Variants in BRI3 observed in about 807,000 individuals in gnomAD.
BRI3 encodes the protein membrane protein BRI3.
A neutral mutation model predicts 12.8 loss-of-function variants in BRI3; 6 were observed. The ratio of observed to expected loss-of-function variants is 0.47; its 90% CI spans 0.26 to 0.93. The LOEUF is 0.93. Ranked by LOEUF, BRI3 falls within the 40% of genes least tolerant of loss-of-function variation. The probability of loss-of-function intolerance (pLI) is 0.15; values close to 1 mark genes in which losing one functional copy is unlikely to be tolerated. For synonymous variants in BRI3, 91 were observed against 76.1 expected (o/e 1.20, Z -1.02); for missense variants, 134 against 171.1 (o/e 0.78, Z 1.21).
chr7:98,319,737 G>C, the BRI3 span, among the ~76,000 whole-genome samples: 1 of 152,060 alleles, frequency 6.6e-6, no homozygotes, highest in African/African-American at 2.4e-5. Flanking sequence ...TTTGAGTAGA[G>C]ATGGGGTTTC....
chr7:98,305,555 G>A (rs1397029003), upstream of BRI3, among the ~76,000 whole-genome samples: 1 of 152,146 alleles, frequency 6.6e-6, no homozygotes, highest in Non-Finnish European at 1.5e-5. Flanking sequence ...GAGTAGATGG[G>A]ACAATGGGCA....
chr7:98,317,499 C>CCCCACA, the BRI3 span: 1 of 1,011,566 alleles, frequency 9.9e-7, no homozygotes, highest in Non-Finnish European at 1.5e-6. Context: ...TGGCTGGGGC[C>CCCCACA]CCCACACCCA....
At position 98,307,882 on chromosome 7, in the gene BRI3, G is replaced by A. The variant is rs370330772; in HGVS notation, n.512G>A. ...ACCGAAACTGATCGCTGTAAACTGG[G>A]ATCTTCGGAAGTACCTGTTGGAGGG... On this transcript the variant is annotated non_coding_transcript_exon_variant, in exon 2 of 2. Transcript: ENST00000485422. 14 of 1,614,088 alleles carry A rather than the reference G, an allele frequency of 8.7e-6. No homozygotes were observed. The African/African-American group carries it at 1.9e-4, about 22-fold the overall frequency.
the BRI3 span, among the ~76,000 whole-genome samples, chr7:98,319,374 C>A: frequency 6.6e-6 from 1 of 152,152 alleles, no homozygotes; most frequent in Non-Finnish European, 1.5e-5. Context: ...CCGGGAGCCC[C>A]GGACGGTGCT....
chr7:98,300,791 T>C (rs916875183), intron 1 of BRI3, among the ~76,000 whole-genome samples: 8 of 152,016 alleles, frequency 5.3e-5, no homozygotes, highest in African/African-American at 1.9e-4. Flanking sequence ...CAGGCAGCAG[T>C]GTGGAGGCTC....
upstream of BRI3, among the ~76,000 whole-genome samples, chr7:98,305,010 C>T (rs941913535): frequency 5.4e-5 from 8 of 149,302 alleles, no homozygotes; most frequent in East Asian, 7.9e-4. Flanking sequence ...GGATTACAGG[C>T]GCCTGCCACC....
At chr7:98,303,437 G>A (rs1800508092), upstream of BRI3, among the ~76,000 whole-genome samples, 1 of 152,190 alleles carries the variant, frequency 6.6e-6, no homozygotes, top group Non-Finnish European at 1.5e-5. Flanking sequence ...CCCAGCCCGG[G>A]AGTGATGTCC....
chr7:98,293,997 A>G (rs374663231), downstream of BRI3: 2,944 of 1,506,688 alleles, frequency 2.0e-3, 7 homozygotes, highest in Non-Finnish European at 2.3e-3. Flanking sequence ...TGGGCTGGGC[A>G]CCGAAGGCCC....
downstream of BRI3, chr7:98,293,447 C>A: frequency 7.2e-7 from 1 of 1,383,884 alleles, no homozygotes; most frequent in Non-Finnish European, 1.0e-6. Context: ...ACCGTCAGCA[C>A]GTGGCAGACA....
At chr7:98,290,181 GTTTTTTTTT>G (rs1180326213) in intron 2 of BRI3, among the ~76,000 whole-genome samples, 22 of 102,566 alleles carry the variant, frequency 2.1e-4, no homozygotes, top group South Asian at 8.1e-4. Context: ...TCTCAAGGTT[GTTTTTTTTT>G]TTTTTTTTTT....
chr7:98,313,987 T>TC (rs1800981221), downstream of BRI3, among the ~76,000 whole-genome samples: 1 of 142,946 alleles, frequency 7.0e-6, no homozygotes, highest in Non-Finnish European at 1.5e-5. Flanking sequence ...TCTTCCTTTT[T>TC]TTTTTTTTTT....
chr7:98,307,409 G>A, intron 1 of BRI3: 1 of 1,263,992 alleles, frequency 7.9e-7, no homozygotes, highest in Non-Finnish European at 1.0e-6. Context: ...CTGGCCAAAT[G>A]CTAAATTTTT....
At chr7:98,285,909 C>G (rs2116712386) in intron 2 of BRI3, among the ~76,000 whole-genome samples, 1 of 152,246 alleles carries the variant, frequency 6.6e-6, no homozygotes, top group Non-Finnish European at 1.5e-5. Context: ...TGAGGAAGCC[C>G]TGCGTCTCCC....
chr7:98,287,246 C>T (rs551253339), intron 2 of BRI3, among the ~76,000 whole-genome samples: 16 of 152,260 alleles, frequency 1.1e-4, no homozygotes, highest in African/African-American at 2.4e-4. Flanking sequence ...TCTCTTTAAG[C>T]GGTGTGGAGG....
At chr7:98,300,343 T>C (rs1800370508) in intron 1 of BRI3, among the ~76,000 whole-genome samples, 1 of 152,350 alleles carries the variant, frequency 6.6e-6, no homozygotes, top group South Asian at 2.1e-4. Flanking sequence ...CCGGAACTCC[T>C]GACTGGGATT....
intron 1 of BRI3, among the ~76,000 whole-genome samples, chr7:98,300,720 C>G (rs967163463): frequency 6.6e-6 from 1 of 152,036 alleles, no homozygotes; most frequent in Non-Finnish European, 1.5e-5. Context: ...TGTGAAGGTA[C>G]GAAAGACAGG....
chr7:98,304,235 G>A (rs1800543028), upstream of BRI3: 1 of 1,612,566 alleles, frequency 6.2e-7, no homozygotes, highest in East Asian at 2.2e-5. Context: ...GGGCCTTAAA[G>A]GTGGATGTCG....
chr7:98,306,379 A>G (rs958358104), upstream of BRI3: 9 of 1,590,424 alleles, frequency 5.7e-6, no homozygotes, highest in East Asian at 1.8e-4. Flanking sequence ...GTGGTGTGTT[A>G]CAGAAACGAC....
chr7:98,320,054 T>G, the BRI3 span: 1 of 1,611,968 alleles, frequency 6.2e-7, no homozygotes, highest in Non-Finnish European at 8.5e-7. Flanking sequence ...AACCATGCAC[T>G]TACGTTCATA....
Sources: allele counts gnomAD v4.1 joint callset (sites outside exome capture counted in the v4.1 genomes callset), GRCh38; gene constraint gnomAD v4.1.1; transcripts MANE v1.5; gene names NCBI Gene and HGNC (gene_info 2026-07-23, HGNC 2026-07-21).